Variants in PEX11A observed in about 807,000 individuals in gnomAD.
The protein encoded by PEX11A is peroxisomal membrane protein 11A.
Under a neutral mutation model 14.4 loss-of-function variants are expected in PEX11A, and 13 were observed. The observed-to-expected ratio is 0.90, with a 90% confidence interval of 0.59 to 1.43. PEX11A has a LOEUF of 1.43. Ranked by LOEUF, PEX11A falls within the 40% of genes most tolerant of loss-of-function variation. The pLI, the probability that PEX11A is intolerant of heterozygous loss-of-function variation, is 0.00. For missense variants in PEX11A, 290 were observed against 302.8 expected, an observed-to-expected ratio of 0.96 and a Z score of 0.31; for synonymous variants, 101 against 113.0, an observed-to-expected ratio of 0.89 and a Z score of 0.67.
In PEX11A at chr15:89,683,697, T is replaced by G. The variant is rs376180664; in HGVS notation, c.424A>C (p.Ile142Leu). ...GTAACTCGTTTCATCTGCAGGGAGATTTCATACAGATCCCTGACCAGGCTC... is the reference window on the plus strand; with the variant it reads ...GTAACTCGTTTCATCTGCAGGGAGAGTTCATACAGATCCCTGACCAGGCTC... Reference protein sequence around the residue: ...LLSLVRDLYEISLQMKRVTCD... With the variant: ...LLSLVRDLYELSLQMKRVTCD... Residue 142 changes from isoleucine (I) to leucine (L), a missense_variant, in exon 3 of 3, where the codon ATC (isoleucine) becomes CTC (leucine). Ile to Leu is a conservative substitution (Grantham distance 5). Transcript: ENST00000300056. 1 of 1,614,042 alleles carries G rather than the reference T, an allele frequency of 6.2e-7. No individual in the cohort carries two copies. Among genetic ancestry groups the G allele is most frequent in the African/African-American group, 1.3e-5 (1 of 75,050 alleles).
chr15:89,683,154 T>C lies in PEX11A; in HGVS notation c.*223A>G. ...ATCAATGTTAGATGAAGGGAAAATA[T>C]TCAGAAATTCACAAGTCACTCCAGC... On this transcript the variant is annotated 3_prime_UTR_variant, in exon 3 of 3. Coordinates refer to ENST00000300056, the MANE Select transcript of PEX11A (RefSeq NM_003847.3). 3.8e-6 allele frequency: 2 copies of C among 522,056 alleles called. No homozygotes were observed. Among genetic ancestry groups the C allele is most frequent in the Non-Finnish European group, 6.7e-6 (2 of 296,742 alleles). 32.3% of individuals were successfully genotyped at this position (522,056 alleles called of 1,614,324 possible).
rs1465810460 is a variant in PEX11A, at chr15:89,690,502, C to T, written c.56+75G>A. The T allele has an allele frequency of 6.2e-6, 7 of 1,130,464 alleles. No homozygotes were observed. The African/African-American group carries it at 1.1e-4, about 18-fold the overall frequency. 70.0% of individuals were successfully genotyped at this position (1,130,464 alleles called of 1,614,324 possible). A position where few individuals can be genotyped will look rare whatever the true frequency, so the allele number is the denominator to read the frequency against. ...TCTACTAGGCTATCACCTCCTTTTT[C>T]CCGGGTGCAGGGGAATAGGCACGGG... On this transcript the variant is annotated intron_variant, in intron 1 of 2. Transcript: ENST00000300056.
intron 1 of PEX11A, among the ~76,000 whole-genome samples, chr15:89,689,314 T>C (rs1013334706): frequency 6.6e-6 from 1 of 152,124 alleles, no homozygotes; most frequent in African/African-American, 2.4e-5. Context: ...ATCTACCTCA[T>C]AGGGTTGTGA....
At chr15:89,684,295 G>C (rs1318657899) in intron 2 of PEX11A, among the ~76,000 whole-genome samples, 1 of 152,232 alleles carries the variant, frequency 6.6e-6, no homozygotes, top group African/African-American at 2.4e-5. Context: ...GACACCTAAA[G>C]TGATCTTGGA....
intron 2 of PEX11A, among the ~76,000 whole-genome samples, chr15:89,685,755 T>A (rs1053876161): frequency 1.3e-5 from 2 of 152,080 alleles, no homozygotes; most frequent in Non-Finnish European, 2.9e-5. Context: ...AATGTACCTA[T>A]ATAACATAGG....
Position 89,682,802 on chromosome 15 carries a change from T to C in PEX11A, c.*575A>G, listed in dbSNP as rs1479454989. ...TCACTGCACCCATAGACACAATTTA[T>C]ACCATGAAGGTGCCTGATGCTTTTC... is the stretch of plus-strand genomic sequence containing the variant. On this transcript the variant is annotated 3_prime_UTR_variant, in exon 3 of 3. Transcript: ENST00000300056. 2.6e-5 allele frequency: 4 copies of C among 152,714 alleles called. No homozygotes were observed. The highest frequency in any genetic ancestry group is 2.0e-4 in the Admixed American group (3 of 15,310). The allele number at this position is 152,714 out of a possible 1,614,324, so 9.5% of individuals were successfully genotyped here.
rs757557878 is a variant in PEX11A at position 89,683,622 on chromosome 15, A to C, written c.499T>G (p.Phe167Val). ...EKSASQDPLW[F>V]SVAEEETEWL... ...TCTGTTTCCTCCTCAGCCACGCTGAACCAAAGAGGATCCTGGGATGCTGAT... is the reference window on the plus strand; with the variant it reads ...TCTGTTTCCTCCTCAGCCACGCTGACCCAAAGAGGATCCTGGGATGCTGAT... Residue 167 changes from phenylalanine (F) to valine (V), a missense_variant, in exon 3 of 3, where the codon TTC becomes GTC. Transcript: ENST00000300056. 2 of 1,614,188 alleles carry C rather than the reference A, an allele frequency of 1.2e-6. No individual in the cohort carries two copies. Among genetic ancestry groups the C allele is most frequent in the East Asian group, 4.5e-5 (2 of 44,890 alleles).
chr15:89,683,772 C>T lies in PEX11A; in HGVS notation c.349G>A (p.Glu117Lys), dbSNP rs762312337. 1 of 1,614,166 alleles carries T rather than the reference C, an allele frequency of 6.2e-7. No individual in the cohort carries two copies. The highest frequency in any genetic ancestry group is 1.1e-5 in the South Asian group (1 of 91,084). ...TGAGCAGCCCTCGTTCGCCATTTCT[C>T]TTTGTTGATGCCAGAGGTGAGACCT... ...SVGLTSGINK[E>K]KWRTRAAHHY... The change falls in exon 3 of 3, where the codon GAG becomes AAG. Residue 117 changes from glutamate to lysine, a missense_variant. By Grantham distance (56) the Glu-to-Lys change is moderately conservative. Coordinates refer to ENST00000300056, the MANE Select transcript of PEX11A (RefSeq NM_003847.3).
chr15:89,688,035 C>A (rs575414139), intron 1 of PEX11A: 12 of 538,786 alleles, frequency 2.2e-5, no homozygotes, highest in African/African-American at 1.7e-4. Flanking sequence ...CTGGGCTCAA[C>A]ACACTCAAGC....
chr15:89,683,510 T>C lies in PEX11A; in HGVS notation c.611A>G (p.Asp204Gly), dbSNP rs777969811. ...CAGCTGGTCCAAAGGGTTCAGGATA[T>C]CACAAAGGTTCTTCACTGTGTCCAG... is the stretch of plus-strand genomic sequence containing the variant. ...LLLDTVKNLC[D>G]ILNPLDQLGI... The change falls in exon 3 of 3, where the codon GAT (aspartate) becomes GGT (glycine). Residue 204 changes from aspartate (D) to glycine (G), a missense_variant. Physicochemically the swap from Asp to Gly is moderately conservative, Grantham distance 94. Coordinates refer to ENST00000300056, the MANE Select transcript of PEX11A (RefSeq NM_003847.3). 6.2e-7 allele frequency: 1 copy of C among 1,614,164 alleles called. No homozygotes were observed. The highest frequency in any genetic ancestry group is 8.5e-7 in the Non-Finnish European group (1 of 1,179,990).
intron 1 of PEX11A, among the ~76,000 whole-genome samples, chr15:89,687,669 C>A (rs567128203): frequency 2.0e-5 from 3 of 152,020 alleles, no homozygotes; most frequent in Non-Finnish European, 4.4e-5. Context: ...AATAAAAATG[C>A]GGTACATTTT....
chr15:89,681,584 C>G lies in PEX11A; in HGVS notation c.*1793G>C, dbSNP rs1450024450. Reference sequence around the variant, plus strand: ...TAGTTAATCTATTACAGTAGAGGATCTGGACAATAAAAATAGTTATTTAAG... The same window carrying G: ...TAGTTAATCTATTACAGTAGAGGATGTGGACAATAAAAATAGTTATTTAAG... On this transcript the variant is annotated 3_prime_UTR_variant, in exon 3 of 3. Transcript: ENST00000300056. 1 of 692,838 alleles carries G rather than the reference C, an allele frequency of 1.4e-6. No individual in the cohort carries two copies. The highest frequency in any genetic ancestry group is 2.7e-5 in the East Asian group (1 of 37,202). 42.9% of individuals were successfully genotyped at this position (692,838 alleles called of 1,614,324 possible). A position where few individuals can be genotyped will look rare whatever the true frequency, so the allele number is the denominator to read the frequency against.
intron 1 of PEX11A, 121 bp downstream of exon 1, chr15:89,690,456 G>A: frequency 1.4e-6 from 1 of 697,654 alleles, no homozygotes. Flanking sequence ...GTAGGAGCTG[G>A]CAACGTCCTT....
intron 2 of PEX11A, 128 bp from the exon 3 acceptor site, chr15:89,684,076 C>T (rs960983966): frequency 3.0e-6 from 2 of 659,282 alleles, no homozygotes; most frequent in Non-Finnish European, 5.2e-6. Flanking sequence ...TGCTCTGTCA[C>T]ACCGGCTGGA....
rs1004333462 is a variant in PEX11A, at chr15:89,684,090, C to T, written c.173-142G>A. On this transcript the variant is annotated intron_variant, in intron 2 of 2. Coordinates refer to ENST00000300056, the MANE Select transcript of PEX11A (RefSeq NM_003847.3). ...TTGCTCTGTCACACCGGCTGGAGTG[C>T]AGCGGCACCATCACAGCTCACAGCA... 8.1e-6 allele frequency: 5 copies of T among 617,440 alleles called. No individual in the cohort carries two copies. In the Admixed American group the frequency reaches 1.5e-4, roughly 18 times the overall value. The allele number at this position is 617,440 out of a possible 1,614,324, so 38.2% of individuals were successfully genotyped here.
chr15:89,684,060 G>GA, intron 2 of PEX11A, 112 bp from the exon 3 acceptor site: 1 of 749,446 alleles, frequency 1.3e-6, no homozygotes, highest in Non-Finnish European at 2.2e-6. Flanking sequence ...TGTTGAGACA[G>GA]GGTCTTGCTC....
At position 89,690,583 on chromosome 15, in the gene PEX11A, A is replaced by G. The variant is rs761891033; in HGVS notation, c.50T>C (p.Leu17Pro). The change falls in exon 1 of 3, where the codon CTC becomes CCC. Residue 17 changes from leucine (L) to proline (P), a missense_variant. Transcript: ENST00000300056. The stretch of plus-strand genomic sequence containing the variant: ...CCGCTGGCACCTGACTCACCTGAAG[A>G]GTCGGTCCCGGCCCTGGGTCTGGTT... ...FTNQTQGRDR[L>P]FRATQYTCML... 5.1e-5 allele frequency: 79 copies of G among 1,551,120 alleles called. No individual in the cohort carries two copies. The highest frequency in any genetic ancestry group is 1.5e-5 in the Non-Finnish European group (17 of 1,146,770).
At chr15:89,683,969 A>G (rs567743154) in intron 2 of PEX11A, 21 bp from the exon 3 acceptor site, 1 of 1,506,824 alleles carries the variant, frequency 6.6e-7, no homozygotes, top group Non-Finnish European at 9.2e-7. Flanking sequence ...AACCCACAAT[A>G]GTGAACAGTT....
chr15:89,690,531 C>A, intron 1 of PEX11A, 46 bp downstream of exon 1: 3 of 1,456,572 alleles, frequency 2.1e-6, no homozygotes, highest in Non-Finnish European at 2.8e-6. Context: ...GCACGGGAGC[C>A]GAGTTAGGGC....
Sources: allele counts gnomAD v4.1 joint callset (sites outside exome capture counted in the v4.1 genomes callset), GRCh38; gene constraint gnomAD v4.1.1; transcripts MANE v1.5; gene names NCBI Gene and HGNC (gene_info 2026-07-23, HGNC 2026-07-21).